TBCD: variants seen among roughly 807,000 people sequenced by gnomAD.
TBCD encodes tubulin-specific chaperone D.
TBCD carries 105 observed loss-of-function variants against 169.3 expected under a neutral mutation model. That is an observed-to-expected ratio of 0.62 (90% CI 0.53 to 0.73). The LOEUF is 0.73. Ranked by LOEUF, TBCD falls within the 30% of genes least tolerant of loss-of-function variation. The pLI is 0.00. For missense variants in TBCD, 1,444 were observed against 1,600.1 expected (o/e 0.90, Z 1.66); for synonymous variants, 700 against 643.9 (o/e 1.09, Z -1.32).
chr17:82,788,654 G>C (rs61615626), intron 7 of TBCD, among the ~76,000 whole-genome samples: 1 of 152,198 alleles, frequency 6.6e-6, no homozygotes, highest in Non-Finnish European at 1.5e-5. Context: ...CCCTTGTGAA[G>C]AGAGGTGCTG....
intron 13 of TBCD, chr17:82,839,986 G>A (rs1392667351): frequency 6.6e-6 from 1 of 152,484 alleles, no homozygotes; most frequent in Non-Finnish European, 1.5e-5. Flanking sequence ...CGGTGCTCAG[G>A]AAGCAGTACC....
chr17:82,888,269 G>A (rs931544363), intron 15 of TBCD, among the ~76,000 whole-genome samples: 1 of 152,254 alleles, frequency 6.6e-6, no homozygotes, highest in African/African-American at 2.4e-5. Context: ...GGGCTGTGCT[G>A]CGATGCTGCT....
intron 6 of TBCD, among the ~76,000 whole-genome samples, chr17:82,780,502 G>A (rs1442081305): frequency 1.3e-5 from 2 of 151,898 alleles, no homozygotes; most frequent in Non-Finnish European, 2.9e-5. Flanking sequence ...GCGTGCGCTT[G>A]TAGTCCCAGC....
rs777667414 is a variant in TBCD at position 82,797,783 on chromosome 17, T to G, written c.798T>G (p.Arg266=). 3 of 1,579,556 alleles carry G rather than the reference T, an allele frequency of 1.9e-6. No homozygotes were observed. In the African/African-American group the frequency reaches 4.1e-5, roughly 22 times the overall value. ...ALAQIFKHGK[R]EDCLPYAATV... Reference sequence around the variant, plus strand: ...CACAAATATTTAAACATGGAAAACGTGAAGACTGTTTGCCCTATGGTAAGG... The same window carrying G: ...CACAAATATTTAAACATGGAAAACGGGAAGACTGTTTGCCCTATGGTAAGG... Residue 266 remains arginine, a synonymous_variant, in exon 8 of 39, where the codon CGT becomes CGG. Transcript: ENST00000355528.
At chr17:82,862,359 A>T (rs2056841833) in intron 13 of TBCD, among the ~76,000 whole-genome samples, 1 of 151,224 alleles carries the variant, frequency 6.6e-6, no homozygotes, top group Admixed American at 6.6e-5. Context: ...GGGTCAGGAG[A>T]AGCCTCTCGG....
intron 28 of TBCD, 85 bp from the exon 29 acceptor site, chr17:82,927,101 A>G: frequency 6.4e-7 from 1 of 1,574,548 alleles, no homozygotes; most frequent in Non-Finnish European, 8.6e-7. Flanking sequence ...TCTTCTCAGG[A>G]TCAGGAACAC....
chr17:82,927,015 C>G (rs142752354), intron 28 of TBCD, 171 bp from the exon 29 acceptor site: 1 of 901,948 alleles, frequency 1.1e-6, no homozygotes, highest in East Asian at 2.7e-5. Context: ...CGGGGAAGCA[C>G]GTCCCACGTT....
chr17:82,790,086 C>T (rs2049596822), intron 7 of TBCD, among the ~76,000 whole-genome samples: 1 of 152,164 alleles, frequency 6.6e-6, no homozygotes, highest in South Asian at 2.1e-4. Context: ...GGTCCTTGTC[C>T]CAGCACGTGG....
chr17:82,800,949 GCAGCGA>G lies in TBCD; in HGVS notation c.905_910del (p.Gln302_Arg303del). ...TGCGGAAGCTGGGGGTGAAGCTTGT[GCAGCGA>G]CTGGGGCTGACATTCCTGAAGCCGA... On this transcript the variant is annotated inframe_deletion, in exon 9 of 39. Coordinates refer to ENST00000355528, the MANE Select transcript of TBCD (RefSeq NM_005993.5). 6.2e-7 allele frequency: 1 copy of G among 1,612,232 alleles called. No individual in the cohort carries two copies. Among genetic ancestry groups the G allele is most frequent in the Admixed American group, 1.7e-5 (1 of 59,870 alleles).
chr17:82,850,034 TGTTGTTG>T (rs2055561936), intron 13 of TBCD, among the ~76,000 whole-genome samples: 1 of 103,252 alleles, frequency 9.7e-6, no homozygotes, highest in South Asian at 3.9e-4. Flanking sequence ...TTGGCTGTGC[TGTTGTTG>T]GCTGTGCTGT....
rs1045594049 is a variant in TBCD at position 82,833,276 on chromosome 17, G to A, written c.1318+18342G>A. ...CCAAGTGCTGTGCGCCCCTGCCGTC[G>A]GCCTGTAGAACCCAAGACCATGGAT... is the stretch of plus-strand genomic sequence containing the variant. On this transcript the variant is annotated intron_variant, in intron 13 of 38. Transcript: ENST00000355528. The surrounding 1 kb of genome is among the most constrained non-coding windows in gnomAD (Gnocchi z 4.7). 6.6e-6 allele frequency among the ~76,000 whole-genome samples: 1 copy of A among 152,000 alleles called. No homozygotes were observed. Among genetic ancestry groups the A allele is most frequent in the Non-Finnish European group, 1.5e-5 (1 of 68,022 alleles).
At chr17:82,855,890 G>A (rs746618094) in intron 13 of TBCD, among the ~76,000 whole-genome samples, 18 of 151,536 alleles carry the variant, frequency 1.2e-4, no homozygotes, top group African/African-American at 3.6e-4. Context: ...TCTGCAATGC[G>A]TGACCCTTTG....
intron 9 of TBCD, among the ~76,000 whole-genome samples, chr17:82,804,049 G>T (rs2050769837): frequency 7.1e-6 from 1 of 141,732 alleles, no homozygotes; most frequent in Non-Finnish European, 1.5e-5. Flanking sequence ...GGGAGTGGGG[G>T]CCGGGGTGCA....
rs886953212 is a variant in TBCD, at chr17:82,789,979, G to A, written c.772-7778G>A. 1.3e-5 allele frequency among the ~76,000 whole-genome samples: 2 copies of A among 152,142 alleles called. No individual in the cohort carries two copies. The highest frequency in any genetic ancestry group is 1.9e-4 in the East Asian group (1 of 5,176). On this transcript the variant is annotated intron_variant, in intron 7 of 38. Coordinates refer to ENST00000355528, the MANE Select transcript of TBCD (RefSeq NM_005993.5). This position sits in a 1 kb window ranked among gnomAD's most constrained non-coding sequence, Gnocchi z 4.8. ...GACGCCGTGTTCCCTCCCGCTGTCC[G>A]CTCACACCTGCCTGTGTGGACGTGG...
intron 23 of TBCD, among the ~76,000 whole-genome samples, chr17:82,917,137 A>G (rs915331357): frequency 2.1e-5 from 3 of 144,500 alleles, no homozygotes; most frequent in African/African-American, 7.7e-5. Flanking sequence ...TTCCTGCTTC[A>G]GCCTCCTGAG....
intron 32 of TBCD, chr17:82,929,750 C>G: frequency 1.6e-6 from 1 of 615,128 alleles, no homozygotes; most frequent in East Asian, 2.8e-5. Flanking sequence ...CGGCCGCAGC[C>G]TTGGAGCTCC....
chr17:82,803,309 C>T (rs1490009616), intron 9 of TBCD, among the ~76,000 whole-genome samples: 1 of 152,218 alleles, frequency 6.6e-6, no homozygotes, highest in Non-Finnish European at 1.5e-5. Flanking sequence ...AAAGTCACGG[C>T]TTTCTCTCCC....
intron 13 of TBCD, chr17:82,860,436 TGGAA>T (rs1194465366): frequency 4.1e-6 from 4 of 985,244 alleles, no homozygotes; most frequent in African/African-American, 1.7e-5. Context: ...CAGACACAGG[TGGAA>T]GGAACCACGG....
chr17:82,850,589 CCTGTTGTTGGCTGTG>C (rs1398442251), intron 13 of TBCD, among the ~76,000 whole-genome samples: 31 of 86,916 alleles, frequency 3.6e-4, no homozygotes, highest in Non-Finnish European at 4.7e-4. Flanking sequence ...TGTTGGCTGT[CCTGTTGTTGGCTGTG>C]CTGTTGTTGG....
Sources: gnomAD v4.1 joint callset for allele counts (sites outside exome capture counted in the v4.1 genomes callset) on GRCh38, gnomAD v4.1.1 for gene constraint, Gnocchi (gnomAD v3.1) non-coding constraint, MANE v1.5 for transcripts, NCBI Gene and HGNC (gene_info 2026-07-23, HGNC 2026-07-21) for gene names.